The following CADPS variants were observed in gnomAD, a reference collection of about 807,000 sequenced individuals.
The protein encoded by CADPS is calcium dependent secretion activator.
CADPS carries 57 observed loss-of-function variants against 167.3 expected under a neutral mutation model. The observed-to-expected ratio is 0.34, with a 90% CI of 0.28 to 0.42. The LOEUF (loss-of-function observed/expected upper bound fraction) is 0.42, where lower values mean the gene tolerates loss of function less well. Among genes scored for constraint, CADPS ranks in the 20% least tolerant of loss-of-function variants. The probability of loss-of-function intolerance (pLI) is 1.00; values close to 1 mark genes in which losing one functional copy is unlikely to be tolerated. For missense variants in CADPS, 1,414 were observed against 1,738.1 expected (o/e 0.81, Z 3.32); for synonymous variants, 676 against 635.3 (o/e 1.06, Z -0.96).
chr3:62,814,068 A>G (rs2094503590), intron 1 of CADPS, among the ~76,000 whole-genome samples: 1 of 152,186 alleles, frequency 6.6e-6, no homozygotes, highest in African/African-American at 2.4e-5. Flanking sequence ...ATAAGGTAAA[A>G]GATAGTTGCA....
intron 1 of CADPS, among the ~76,000 whole-genome samples, chr3:62,806,588 A>T (rs1347824948): frequency 6.6e-6 from 1 of 152,060 alleles, no homozygotes; most frequent in African/African-American, 2.4e-5. Context: ...CCTGACAATA[A>T]CCCTGTGGGG....
intron 1 of CADPS, among the ~76,000 whole-genome samples, chr3:62,790,636 C>A (rs1381698390): frequency 1.3e-5 from 2 of 152,168 alleles, no homozygotes; most frequent in Non-Finnish European, 2.9e-5. Flanking sequence ...GATTACATCT[C>A]CTGTTTGAGC....
intron 9 of CADPS, 82 bp downstream of exon 9, chr3:62,570,790 G>C: frequency 4.3e-6 from 4 of 930,376 alleles, no homozygotes; most frequent in Admixed American, 3.6e-5. Flanking sequence ...GTGTATTTAA[G>C]TTATACCTCA....
chr3:62,802,692 A>C (rs2093844178), intron 1 of CADPS, among the ~76,000 whole-genome samples: 1 of 152,198 alleles, frequency 6.6e-6, no homozygotes, highest in Non-Finnish European at 1.5e-5. Flanking sequence ...ATGAATAAAC[A>C]AACACTGATA....
intron 21 of CADPS, among the ~76,000 whole-genome samples, chr3:62,490,002 T>C (rs2063443243): frequency 6.6e-6 from 1 of 152,198 alleles, no homozygotes; most frequent in Admixed American, 6.5e-5. Context: ...CTACTGGTTA[T>C]TAACCTCCCT....
chr3:62,870,523 A>G (rs779570147), intron 1 of CADPS, among the ~76,000 whole-genome samples: 14 of 152,176 alleles, frequency 9.2e-5, no homozygotes, highest in Non-Finnish European at 1.8e-4. Context: ...AACATTAGCC[A>G]TCATTTCATG....
At chr3:62,481,279 T>A (rs529129889) in intron 22 of CADPS, among the ~76,000 whole-genome samples, 2 of 152,344 alleles carry the variant, frequency 1.3e-5, no homozygotes, top group South Asian at 4.1e-4. Flanking sequence ...GGTTTAAACA[T>A]TCTCTAGGAA....
rs2081484314 is a variant in CADPS at position 62,865,327 on chromosome 3, GC to G, written c.441+9261del. ...CCAAAATCCCATTGTCTTTTTAAAA[GC>G]ATCACCACTTCCTTAGGGTTTGTAA... On this transcript the variant is annotated intron_variant, in intron 1 of 29. Transcript: ENST00000383710. Among the ~76,000 whole-genome samples the G allele has an allele frequency of 2.1e-5, 3 of 142,126 alleles. No homozygotes were observed. The South Asian group carries it at 6.7e-4, about 32-fold the overall frequency. 93.2% of individuals were successfully genotyped at this position (142,126 alleles called of 152,430 possible). A position where few individuals can be genotyped will look rare whatever the true frequency, so the allele number is the denominator to read the frequency against.
chr3:62,791,587 C>T (rs1453777035), intron 1 of CADPS, among the ~76,000 whole-genome samples: 1 of 152,152 alleles, frequency 6.6e-6, no homozygotes, highest in Non-Finnish European at 1.5e-5. Context: ...GAGAAAATTG[C>T]TCAACTTTCC....
chr3:62,439,625 G>A (rs948556190), intron 27 of CADPS: 7 of 152,162 alleles, frequency 4.6e-5, no homozygotes, highest in Admixed American at 3.9e-4. Flanking sequence ...CCTTCTCTCC[G>A]TTTGGCAACT....
chr3:62,751,647 C>G (rs962463029), intron 3 of CADPS, among the ~76,000 whole-genome samples: 1 of 152,094 alleles, frequency 6.6e-6, no homozygotes, highest in Non-Finnish European at 1.5e-5. Context: ...TCTTGAACTC[C>G]TGACCTCAGG....
At chr3:62,775,097 G>C (rs1411746882) in intron 1 of CADPS, among the ~76,000 whole-genome samples, 6 of 151,944 alleles carry the variant, frequency 3.9e-5, no homozygotes, top group African/African-American at 1.5e-4. Context: ...GAGTGCATAG[G>C]TGTGATCTTG....
In CADPS at chr3:62,765,868, C is replaced by T. The variant is rs1391381162; in HGVS notation, c.555+3G>A. ...TGGCATTCTTCTGAACAGTGATTCT[C>T]ACCTCATAGTAACTCTGCACAGCGT... On this transcript the variant is annotated splice_donor_region_variant and intron_variant, in intron 2 of 29. Transcript: ENST00000383710. 1 of 1,594,836 alleles carries T rather than the reference C, an allele frequency of 6.3e-7. No individual in the cohort carries two copies. The highest frequency in any genetic ancestry group is 1.7e-5 in the Admixed American group (1 of 59,840).
rs530612024 is a variant in CADPS at position 62,824,480 on chromosome 3, G to A, written c.441+50109C>T. Among the ~76,000 whole-genome samples, 6 of 152,132 alleles carry A rather than the reference G, an allele frequency of 3.9e-5. No individual in the cohort carries two copies. In the South Asian group the frequency reaches 8.3e-4, roughly 21 times the overall value. The stretch of plus-strand genomic sequence containing the variant: ...GAATGTAAGGAGACTGCAGGGGAGC[G>A]AACTAATAAAAAGAAATCAAGGGTT... On this transcript the variant is annotated intron_variant, in intron 1 of 29. Coordinates refer to ENST00000383710, the MANE Select transcript of CADPS (RefSeq NM_003716.4).
chr3:62,858,256 C>A (rs1193161370), intron 1 of CADPS, among the ~76,000 whole-genome samples: 1 of 152,208 alleles, frequency 6.6e-6, no homozygotes, highest in East Asian at 1.9e-4. Context: ...TCAGCAACTT[C>A]ACTATATTCA....
intron 1 of CADPS, among the ~76,000 whole-genome samples, chr3:62,821,054 C>T (rs759051867): frequency 3.3e-5 from 5 of 152,134 alleles, no homozygotes; most frequent in Non-Finnish European, 5.9e-5. Context: ...CCACCTTGGC[C>T]GCCCAAAGTG....
intron 1 of CADPS, among the ~76,000 whole-genome samples, chr3:62,783,588 A>T (rs1050678172): frequency 2.6e-5 from 4 of 152,170 alleles, no homozygotes. Flanking sequence ...TGAGACCTTA[A>T]GCAATTTTCT....
intron 26 of CADPS, among the ~76,000 whole-genome samples, chr3:62,456,154 C>CGCAACT (rs1407777678): frequency 6.6e-6 from 1 of 152,054 alleles, no homozygotes; most frequent in Non-Finnish European, 1.5e-5. Flanking sequence ...TTTCAGTTTC[C>CGCAACT]GCAACTGCAA....
intron 28 of CADPS, among the ~76,000 whole-genome samples, chr3:62,426,299 C>A (rs576020838): frequency 1.3e-5 from 2 of 152,212 alleles, no homozygotes; most frequent in East Asian, 1.9e-4. Flanking sequence ...TACAGGCATG[C>A]GCTGCCATGC....
Sources: gnomAD v4.1 joint callset for allele counts (sites outside exome capture counted in the v4.1 genomes callset) on GRCh38, gnomAD v4.1.1 for gene constraint, MANE v1.5 for transcripts, NCBI Gene and HGNC (gene_info 2026-07-23, HGNC 2026-07-21) for gene names.